Variants in MSRA observed in about 807,000 individuals in gnomAD.
The protein encoded by MSRA is mitochondrial peptide methionine sulfoxide reductase.
In MSRA, 54 loss-of-function variants were observed where a neutral mutation model predicts 31.3. The ratio of observed to expected loss-of-function variants is 1.73; its 90% confidence interval spans 1.39 to 2.17. MSRA has a LOEUF of 2.17. MSRA is among the 30% of genes most tolerant of loss of function. The probability of loss-of-function intolerance (pLI) is 0.00; values close to 1 mark genes in which losing one functional copy is unlikely to be tolerated. For missense variants in MSRA, 507 were observed against 300.9 expected, an observed-to-expected ratio of 1.69 and a Z score of -5.07; for synonymous variants, 169 against 116.5, an observed-to-expected ratio of 1.45 and a Z score of -2.90.
chr8:10,136,178 C>G (rs186524170), intron 1 of MSRA, among the ~76,000 whole-genome samples: 9 of 152,256 alleles, frequency 5.9e-5, no homozygotes, highest in African/African-American at 2.2e-4. Flanking sequence ...TCACGCTGGG[C>G]ACAGGGACCC....
At chr8:10,245,774 C>G (rs117953673) in intron 3 of MSRA, among the ~76,000 whole-genome samples, 4,679 of 152,296 alleles carry the variant, frequency 0.031, 98 homozygotes, top group East Asian at 0.079. Context: ...GAGGATGAGG[C>G]CCATTCTCTG....
rs188821545 is a variant in MSRA, at chr8:10,263,054, C to T, written c.331+17831C>T. Reference sequence around the variant, plus strand: ...GGTGCTGATTGTCTTGTTTGTGTACCGGCTTGGCCTTTGCCAGTGACAGTT... The same window carrying T: ...GGTGCTGATTGTCTTGTTTGTGTACTGGCTTGGCCTTTGCCAGTGACAGTT... On this transcript the variant is annotated intron_variant, in intron 3 of 5. Transcript: ENST00000317173. Among the ~76,000 whole-genome samples, 299 of 152,312 alleles carry T rather than the reference C, an allele frequency of 2.0e-3. 3 individuals carry two copies. Among genetic ancestry groups the T allele is most frequent in the Non-Finnish European group, 3.8e-3 (259 of 68,030 alleles).
At chr8:10,366,188 GAA>G (rs894776485) in intron 5 of MSRA, among the ~76,000 whole-genome samples, 3 of 152,254 alleles carry the variant, frequency 2.0e-5, no homozygotes, top group African/African-American at 7.2e-5. Context: ...TTGAAAGAGA[GAA>G]AGAGAAGAGG....
intron 5 of MSRA, among the ~76,000 whole-genome samples, chr8:10,400,271 A>T (rs1441992388): frequency 6.6e-6 from 1 of 151,858 alleles, no homozygotes; most frequent in Non-Finnish European, 1.5e-5. Flanking sequence ...GGCCTGGGTT[A>T]CAGTGGAGAG....
chr8:10,062,600 C>T (rs117024258), intron 1 of MSRA, among the ~76,000 whole-genome samples: 13 of 152,268 alleles, frequency 8.5e-5, no homozygotes, highest in East Asian at 5.8e-4. Flanking sequence ...AACAGACACA[C>T]GCATGTTATG....
At chr8:10,255,646 T>A (rs1391743967) in intron 3 of MSRA, among the ~76,000 whole-genome samples, 1 of 152,004 alleles carries the variant, frequency 6.6e-6, no homozygotes, top group East Asian at 1.9e-4. Flanking sequence ...TCACCTTGTT[T>A]AAGGCGTGTT....
At chr8:10,083,305 T>C (rs1482467738) in intron 1 of MSRA, among the ~76,000 whole-genome samples, 1 of 152,210 alleles carries the variant, frequency 6.6e-6, no homozygotes, top group African/African-American at 2.4e-5. Flanking sequence ...CTGGCTAATA[T>C]TCTAATTGAG....
At chr8:10,354,750 G>GTATATATA (rs754778002) in intron 5 of MSRA, among the ~76,000 whole-genome samples, 18 of 138,398 alleles carry the variant, frequency 1.3e-4, no homozygotes, top group South Asian at 2.3e-4. Flanking sequence ...GTGTGTGTGT[G>GTATATATA]TATATATATA....
intron 1 of MSRA, among the ~76,000 whole-genome samples, chr8:10,075,973 C>A (rs531870482): frequency 1.3e-5 from 2 of 152,182 alleles, no homozygotes; most frequent in South Asian, 4.1e-4. Flanking sequence ...TGTCTGCCGC[C>A]TCAGTATAAA....
chr8:10,387,444 C>T (rs1475535056), intron 5 of MSRA, among the ~76,000 whole-genome samples: 3 of 152,146 alleles, frequency 2.0e-5, no homozygotes, highest in African/African-American at 4.8e-5. Context: ...AACTATGAGA[C>T]TCTAAGAAGG....
At position 10,269,457 on chromosome 8, in the gene MSRA, G is replaced by A. The variant is rs1798916639; in HGVS notation, c.331+24234G>A. Among the ~76,000 whole-genome samples the A allele has an allele frequency of 1.3e-5, 2 of 152,218 alleles. 1 individual carries two copies. Among genetic ancestry groups the A allele is most frequent in the African/African-American group, 4.8e-5 (2 of 41,452 alleles). ...ACTCGATCACTTCTGTAGGGCTGAG[G>A]CAACACTGTTAATTCTTTGAATTTT... On this transcript the variant is annotated intron_variant, in intron 3 of 5. Transcript: ENST00000317173.
intron 1 of MSRA, among the ~76,000 whole-genome samples, chr8:10,108,695 C>A (rs1366952794): frequency 6.6e-6 from 1 of 152,166 alleles, no homozygotes; most frequent in Non-Finnish European, 1.5e-5. Flanking sequence ...GTGCAGTCCT[C>A]ACGAGGGGGT....
intron 1 of MSRA, among the ~76,000 whole-genome samples, chr8:10,181,460 A>G (rs1377327069): frequency 2.6e-5 from 4 of 151,918 alleles, no homozygotes; most frequent in Middle Eastern, 3.4e-3. Context: ...AAAAAAAACA[A>G]TGGGAGAGGA....
intron 1 of MSRA, among the ~76,000 whole-genome samples, chr8:10,070,221 A>C (rs1797662517): frequency 6.6e-6 from 1 of 152,210 alleles, no homozygotes; most frequent in African/African-American, 2.4e-5. Context: ...GATCTTTGCC[A>C]GTGCATTTGG....
At chr8:10,157,613 A>G (rs1804264926) in intron 1 of MSRA, among the ~76,000 whole-genome samples, 1 of 152,058 alleles carries the variant, frequency 6.6e-6, no homozygotes, top group Non-Finnish European at 1.5e-5. Flanking sequence ...AAGTTCTCAT[A>G]GGTTTTTTAC....
At position 10,279,399 on chromosome 8, in the gene MSRA, C is replaced by T. The variant is rs192241791; in HGVS notation, c.332-22135C>T. On this transcript the variant is annotated intron_variant, in intron 3 of 5. Coordinates refer to ENST00000317173, the MANE Select transcript of MSRA (RefSeq NM_012331.5). ...AATCAGCAATATCAAAGCTAATTCC[C>T]TTTGACAACTCAACTTTGTCTAAGA... 2.6e-5 allele frequency among the ~76,000 whole-genome samples: 4 copies of T among 152,260 alleles called. No individual in the cohort carries two copies. In the East Asian group the frequency reaches 7.7e-4, roughly 29 times the overall value.
intron 1 of MSRA, among the ~76,000 whole-genome samples, chr8:10,192,194 C>G (rs1323346809): frequency 6.6e-6 from 1 of 152,232 alleles, no homozygotes; most frequent in African/African-American, 2.4e-5. Flanking sequence ...CCCCATCACT[C>G]CTGTTGTGTT....
At chr8:10,154,610 C>G (rs1211378888) in intron 1 of MSRA, among the ~76,000 whole-genome samples, 2 of 152,098 alleles carry the variant, frequency 1.3e-5, no homozygotes, top group African/African-American at 4.8e-5. Flanking sequence ...ATCACCTGAC[C>G]TCGTGATCCA....
chr8:10,285,287 T>G (rs1163094441), intron 3 of MSRA, among the ~76,000 whole-genome samples: 1 of 152,196 alleles, frequency 6.6e-6, no homozygotes, highest in Non-Finnish European at 1.5e-5. Context: ...TTTGACAGTA[T>G]TTTTAACAAC....
Sources: gnomAD v4.1 joint callset for allele counts (sites outside exome capture counted in the v4.1 genomes callset) on GRCh38, gnomAD v4.1.1 for gene constraint, MANE v1.5 for transcripts, NCBI Gene and HGNC (gene_info 2026-07-23, HGNC 2026-07-21) for gene names.